PTPRT: variants seen among roughly 807,000 people sequenced by gnomAD.
PTPRT encodes the protein protein tyrosine phosphatase receptor type T, also known as receptor-type tyrosine-protein phosphatase T.
PTPRT carries 56 observed loss-of-function variants against 176.8 expected under a neutral mutation model. The observed-to-expected ratio is 0.32, with a 90% CI of 0.26 to 0.40. The LOEUF (loss-of-function observed/expected upper bound fraction) is 0.40, where lower values mean the gene tolerates loss of function less well. Ranked by LOEUF, PTPRT falls within the 10% of genes least tolerant of loss-of-function variation. PTPRT has a pLI of 1.00. For missense variants in PTPRT, 1,540 were observed against 1,908.2 expected (o/e 0.81, Z 3.60); for synonymous variants, 783 against 739.0 (o/e 1.06, Z -0.96).
At chr20:42,396,532 C>T (rs1025201571) in intron 9 of PTPRT, among the ~76,000 whole-genome samples, 5 of 152,146 alleles carry the variant, frequency 3.3e-5, no homozygotes, top group South Asian at 2.1e-4. Context: ...GCTTGGAACA[C>T]GCTAACCAGT....
intron 7 of PTPRT, among the ~76,000 whole-genome samples, chr20:42,669,523 C>T (rs2075378038): frequency 6.6e-6 from 1 of 152,176 alleles, no homozygotes; most frequent in Non-Finnish European, 1.5e-5. Flanking sequence ...TACTACCCTC[C>T]TGCCCAGAAG....
At chr20:42,232,337 G>A (rs2056150592) in intron 15 of PTPRT, among the ~76,000 whole-genome samples, 1 of 152,198 alleles carries the variant, frequency 6.6e-6, no homozygotes, top group Non-Finnish European at 1.5e-5. Context: ...AGACAACTGA[G>A]ACTCCAGTTA....
intron 1 of PTPRT, among the ~76,000 whole-genome samples, chr20:43,050,740 C>T (rs1244564329): frequency 6.6e-6 from 1 of 152,180 alleles, no homozygotes; most frequent in Non-Finnish European, 1.5e-5. Flanking sequence ...GCAAACTTTC[C>T]ATTCACCCCT....
intron 1 of PTPRT, among the ~76,000 whole-genome samples, chr20:43,187,503 G>A (rs918761415): frequency 5.9e-5 from 9 of 151,766 alleles, no homozygotes; most frequent in Non-Finnish European, 1.3e-4. Context: ...AGATGGTCTA[G>A]TTGCCGTTAA....
intron 9 of PTPRT, among the ~76,000 whole-genome samples, chr20:42,376,118 G>A (rs2058646574): frequency 6.6e-6 from 1 of 152,166 alleles, no homozygotes; most frequent in Non-Finnish European, 1.5e-5. Context: ...CCCCAATTAC[G>A]TGAGAAAACT....
chr20:42,538,329 T>A (rs1302966819), intron 7 of PTPRT, among the ~76,000 whole-genome samples: 2 of 152,070 alleles, frequency 1.3e-5, no homozygotes. Flanking sequence ...CCGAACATAC[T>A]AATAGAGTAT....
At chr20:42,462,736 G>A (rs2071041476) in intron 8 of PTPRT, among the ~76,000 whole-genome samples, 1 of 152,104 alleles carries the variant, frequency 6.6e-6, no homozygotes, top group Admixed American at 6.6e-5. Context: ...GTTTTTTCCT[G>A]AACACCCTGA....
intron 1 of PTPRT, among the ~76,000 whole-genome samples, chr20:42,918,549 A>C (rs1449875975): frequency 1.3e-5 from 2 of 152,102 alleles, no homozygotes; most frequent in East Asian, 1.9e-4. Context: ...TTCATCGATC[A>C]AGCCACCTGC....
intron 1 of PTPRT, among the ~76,000 whole-genome samples, chr20:43,034,312 T>C (rs1251018296): frequency 6.6e-6 from 1 of 152,188 alleles, no homozygotes; most frequent in Non-Finnish European, 1.5e-5. Flanking sequence ...CTCCCTTTGA[T>C]GCATCTTGTA....
chr20:43,184,908 C>T (rs1319514622), intron 1 of PTPRT, among the ~76,000 whole-genome samples: 3 of 152,170 alleles, frequency 2.0e-5, no homozygotes, highest in African/African-American at 7.2e-5. Flanking sequence ...CTCATTTCTG[C>T]CTCTACTGGC....
In PTPRT at chr20:42,808,121, C is replaced by T. The variant is rs75816727; in HGVS notation, c.215-16655G>A. 5.3e-3 allele frequency among the ~76,000 whole-genome samples: 814 copies of T among 152,296 alleles called. 11 individuals are homozygous for T. Among genetic ancestry groups the T allele is most frequent in the African/African-American group, 0.018 (738 of 41,570 alleles). Reference sequence around the variant, plus strand: ...CAGTCCTGCCCGTTGCAGACTCGGACGGGCCATTTTAGCTCCCCGTGGAGT... The same window carrying T: ...CAGTCCTGCCCGTTGCAGACTCGGATGGGCCATTTTAGCTCCCCGTGGAGT... On this transcript the variant is annotated intron_variant, in intron 2 of 30. Coordinates refer to ENST00000373187, the MANE Select transcript of PTPRT (RefSeq NM_007050.6).
intron 1 of PTPRT, among the ~76,000 whole-genome samples, chr20:42,910,770 G>C (rs2079534137): frequency 6.6e-6 from 1 of 152,174 alleles, no homozygotes; most frequent in Admixed American, 6.5e-5. Flanking sequence ...ACTTTCAAAA[G>C]AACATTGTAT....
At chr20:42,068,691 T>G (rs554419317), downstream of PTPRT, among the ~76,000 whole-genome samples, 7 of 152,352 alleles carry the variant, frequency 4.6e-5, no homozygotes, top group African/African-American at 1.7e-4. Context: ...AACCACTGAT[T>G]ACGATTCTCA....
In PTPRT at chr20:42,492,500, G is replaced by T. The variant is rs115741803; in HGVS notation, c.1154-19938C>A. The stretch of plus-strand genomic sequence containing the variant: ...TGCCATCTGTATATACAGGTCATTT[G>T]TTTTTAACTTTTGTTTCCTGTTAAA... On this transcript the variant is annotated intron_variant, in intron 7 of 30. Coordinates refer to ENST00000373187, the MANE Select transcript of PTPRT (RefSeq NM_007050.6). Among the ~76,000 whole-genome samples, 984 of 151,862 alleles carry T rather than the reference G, an allele frequency of 6.5e-3. 10 individuals are homozygous for T. The highest frequency in any genetic ancestry group is 0.022 in the African/African-American group (926 of 41,324).
intron 12 of PTPRT, among the ~76,000 whole-genome samples, chr20:42,314,142 T>C (rs2057678274): frequency 6.6e-6 from 1 of 152,190 alleles, no homozygotes. Flanking sequence ...ACAGACTCCC[T>C]TACATTTCTA....
intron 1 of PTPRT, among the ~76,000 whole-genome samples, chr20:43,015,824 TAA>T (rs913908076): frequency 2.0e-5 from 3 of 151,820 alleles, no homozygotes; most frequent in Admixed American, 1.3e-4. Context: ...GCAATTCATA[TAA>T]GTTACACCTG....
intron 9 of PTPRT, among the ~76,000 whole-genome samples, chr20:42,437,454 G>A (rs144229431): frequency 6.6e-6 from 1 of 152,270 alleles, no homozygotes; most frequent in Non-Finnish European, 1.5e-5. Flanking sequence ...ACTATTTGAC[G>A]TGCAGCGATA....
chr20:42,736,006 T>C (rs2076534201), intron 6 of PTPRT, among the ~76,000 whole-genome samples: 1 of 152,190 alleles, frequency 6.6e-6, no homozygotes, highest in South Asian at 2.1e-4. Flanking sequence ...CATCATTTTG[T>C]ACACATCAAA....
intron 9 of PTPRT, among the ~76,000 whole-genome samples, chr20:42,446,565 C>G (rs1180579769): frequency 2.1e-5 from 3 of 146,190 alleles, no homozygotes; most frequent in Non-Finnish European, 4.5e-5. Context: ...CACAACACAT[C>G]TTTATTTCAT....
Sources: gnomAD v4.1 joint callset for allele counts (sites outside exome capture counted in the v4.1 genomes callset) on GRCh38, gnomAD v4.1.1 for gene constraint, MANE v1.5 for transcripts, NCBI Gene and HGNC (gene_info 2026-07-23, HGNC 2026-07-21) for gene names.